The following TYW1 variants were observed in gnomAD, a reference collection of about 807,000 sequenced individuals.
The protein encoded by TYW1 is S-adenosyl-L-methionine-dependent tRNA 4-demethylwyosine synthase TYW1.
TYW1 carries 46 observed loss-of-function variants against 96.2 expected under a neutral mutation model. The ratio of observed to expected loss-of-function variants is 0.48; its 90% CI spans 0.38 to 0.61. The LOEUF (loss-of-function observed/expected upper bound fraction) is 0.61, where lower values mean the gene tolerates loss of function less well. TYW1 is among the 20% of genes least tolerant of loss of function. TYW1 has a pLI of 0.00. For synonymous variants in TYW1, 274 were observed against 323.0 expected, an observed-to-expected ratio of 0.85 and a Z score of 1.63; for missense variants, 684 against 909.6, an observed-to-expected ratio of 0.75 and a Z score of 3.19.
intron 10 of TYW1, among the ~76,000 whole-genome samples, chr7:67,083,062 G>T (rs1019825041): frequency 5.9e-5 from 9 of 152,270 alleles, no homozygotes; most frequent in Non-Finnish European, 1.0e-4. Flanking sequence ...TGTTCCAGCT[G>T]TCGTCACTCA....
At chr7:67,095,519 G>A (rs542182922) in intron 11 of TYW1, among the ~76,000 whole-genome samples, 2 of 151,422 alleles carry the variant, frequency 1.3e-5, no homozygotes, top group Non-Finnish European at 2.9e-5. Context: ...TTAGACAGAC[G>A]TGGTGGTGTG....
At chr7:67,085,419 TCTC>T (rs1049437272) in intron 11 of TYW1, among the ~76,000 whole-genome samples, 3 of 152,208 alleles carry the variant, frequency 2.0e-5, no homozygotes, top group Non-Finnish European at 4.4e-5. Context: ...GCTCTGCACT[TCTC>T]CTTCCTGCTG....
At chr7:67,065,449 A>G (rs1479685536) in intron 9 of TYW1, among the ~76,000 whole-genome samples, 1 of 152,210 alleles carries the variant, frequency 6.6e-6, no homozygotes, top group East Asian at 1.9e-4. Flanking sequence ...CTCTAGTGGC[A>G]TGAGATTTTG....
At chr7:67,124,227 T>C (rs1797848979) in intron 13 of TYW1, among the ~76,000 whole-genome samples, 1 of 152,238 alleles carries the variant, frequency 6.6e-6, no homozygotes, top group African/African-American at 2.4e-5. Context: ...ATTGAAATCA[T>C]GTTGTACATA....
intron 7 of TYW1, among the ~76,000 whole-genome samples, chr7:67,046,950 CT>C (rs1203603360): frequency 6.6e-6 from 1 of 152,192 alleles, no homozygotes; most frequent in African/African-American, 2.4e-5. Flanking sequence ...ACAGAAGTCT[CT>C]GTTTAAAACC....
intron 5 of TYW1, among the ~76,000 whole-genome samples, chr7:67,015,002 T>A (rs1300080998): frequency 6.6e-6 from 1 of 151,134 alleles, no homozygotes; most frequent in Non-Finnish European, 1.5e-5. Flanking sequence ...GCCCGGCCTC[T>A]TCTGTTTTTT....
intron 13 of TYW1, among the ~76,000 whole-genome samples, chr7:67,127,630 T>C (rs1385047840): frequency 6.6e-6 from 1 of 152,206 alleles, no homozygotes; most frequent in Admixed American, 6.5e-5. Context: ...TAAACATTTT[T>C]ATTTTACTCC....
intron 15 of TYW1, among the ~76,000 whole-genome samples, chr7:67,222,565 C>G (rs1204460671): frequency 6.6e-6 from 1 of 152,098 alleles, no homozygotes; most frequent in Admixed American, 6.5e-5. Flanking sequence ...TAAGTATACC[C>G]TGTGTGTGTG....
chr7:67,003,062 G>T (rs1485855662), intron 3 of TYW1, among the ~76,000 whole-genome samples: 2 of 151,834 alleles, frequency 1.3e-5, no homozygotes, highest in Non-Finnish European at 2.9e-5. Context: ...TGAGCCACGC[G>T]CCTGGCCCTA....
At chr7:67,148,812 A>G (rs1454670360) in intron 13 of TYW1, among the ~76,000 whole-genome samples, 1 of 152,152 alleles carries the variant, frequency 6.6e-6, no homozygotes, top group Non-Finnish European at 1.5e-5. Flanking sequence ...GGGGCACTCC[A>G]AGAGCACCCA....
chr7:67,049,933 T>C lies in TYW1; in HGVS notation c.985-16T>C. On this transcript the variant is annotated splice_polypyrimidine_tract_variant and intron_variant, in intron 7 of 15. Coordinates refer to ENST00000359626, the MANE Select transcript of TYW1 (RefSeq NM_018264.4). ...ATTACCAATTCTGGATTTCATTCTT[T>C]TTTATTTTAATGCAGAGAGAAAAGG... The C allele has an allele frequency of 6.2e-7, 1 of 1,613,608 alleles. No homozygotes were observed. Among genetic ancestry groups the C allele is most frequent in the South Asian group, 1.1e-5 (1 of 91,070 alleles).
intron 13 of TYW1, among the ~76,000 whole-genome samples, chr7:67,167,207 C>T (rs954585643): frequency 1.4e-4 from 21 of 152,094 alleles, no homozygotes; most frequent in African/African-American, 4.1e-4. Context: ...CGGCGGCTCA[C>T]GCCTATAATC....
At chr7:67,015,682 G>C (rs1230131421) in intron 5 of TYW1, among the ~76,000 whole-genome samples, 1 of 152,170 alleles carries the variant, frequency 6.6e-6, no homozygotes, top group Non-Finnish European at 1.5e-5. Flanking sequence ...GAAATTTTTG[G>C]CTGGGCATGG....
chr7:67,012,036 G>A (rs1356136787), intron 4 of TYW1, among the ~76,000 whole-genome samples: 3 of 151,826 alleles, frequency 2.0e-5, no homozygotes, highest in African/African-American at 7.3e-5. Context: ...GTGTGGCTGT[G>A]TTGCACTAAA....
At chr7:66,997,550 T>G (rs1003888173) in intron 1 of TYW1, among the ~76,000 whole-genome samples, 1 of 152,210 alleles carries the variant, frequency 6.6e-6, no homozygotes, top group Non-Finnish European at 1.5e-5. Flanking sequence ...TTATATTCTG[T>G]TTTTTCTTTG....
intron 7 of TYW1, among the ~76,000 whole-genome samples, chr7:67,045,195 G>A (rs879539818): frequency 5.3e-5 from 8 of 151,768 alleles, no homozygotes; most frequent in South Asian, 2.1e-4. Flanking sequence ...AAGTGGTATC[G>A]TATGATTTTT....
At chr7:67,136,529 T>G (rs1195928890) in intron 13 of TYW1, among the ~76,000 whole-genome samples, 2 of 152,180 alleles carry the variant, frequency 1.3e-5, no homozygotes, top group Admixed American at 6.5e-5. Context: ...TCATTGTAAT[T>G]AATAATGTGA....
Position 67,067,447 on chromosome 7 carries a change from C to T in TYW1, c.1274+44C>T. On this transcript the variant is annotated intron_variant, in intron 10 of 15. Coordinates refer to ENST00000359626, the MANE Select transcript of TYW1 (RefSeq NM_018264.4). Reference sequence around the variant, plus strand: ...TCATGGTGATCGAATATGTAATGAGCTGTGGTAATCAATCTGCCCAGCTCA... The same window carrying T: ...TCATGGTGATCGAATATGTAATGAGTTGTGGTAATCAATCTGCCCAGCTCA... 1.9e-6 allele frequency: 3 copies of T among 1,605,272 alleles called. No individual in the cohort carries two copies. The South Asian group carries it at 3.3e-5, about 18-fold the overall frequency.
intron 7 of TYW1, among the ~76,000 whole-genome samples, chr7:67,037,350 A>G (rs1794871082): frequency 6.6e-6 from 1 of 152,058 alleles, no homozygotes; most frequent in South Asian, 2.1e-4. Flanking sequence ...AAATAAAAAA[A>G]AGAATTAGCC....
Sources: allele counts gnomAD v4.1 joint callset (sites outside exome capture counted in the v4.1 genomes callset), GRCh38; gene constraint gnomAD v4.1.1; transcripts MANE v1.5; gene names NCBI Gene and HGNC (gene_info 2026-07-23, HGNC 2026-07-21).